The following ENTREP2 variants were observed in gnomAD, a reference collection of about 807,000 sequenced individuals.
The protein encoded by ENTREP2 is endosomal transmembrane epsin interactor 2.
At chr15:29,342,283 G>T in the ENTREP2 span, among the ~76,000 whole-genome samples, 1 of 152,174 alleles carries the variant, frequency 6.6e-6, no homozygotes, top group Non-Finnish European at 1.5e-5. Context: ...ACTGCTGTGC[G>T]TTCCATGCAT....
the ENTREP2 span, among the ~76,000 whole-genome samples, chr15:29,655,737 A>C: frequency 1.3e-4 from 20 of 152,204 alleles, no homozygotes; most frequent in African/African-American, 4.3e-4. Flanking sequence ...CAAAAAAACA[A>C]AAAACAAACC....
chr15:29,643,996 A>G, the ENTREP2 span, among the ~76,000 whole-genome samples: 3 of 152,152 alleles, frequency 2.0e-5, no homozygotes. Flanking sequence ...TGAATGTTCA[A>G]AGCAGCATTA....
the ENTREP2 span, among the ~76,000 whole-genome samples, chr15:29,626,363 A>C: frequency 6.6e-6 from 1 of 152,162 alleles, no homozygotes; most frequent in Non-Finnish European, 1.5e-5. Flanking sequence ...GTGGTAGTGA[A>C]TAAGTCTCAT....
chr15:29,618,422 CAAAA>C, the ENTREP2 span, among the ~76,000 whole-genome samples: 3 of 80,194 alleles, frequency 3.7e-5, no homozygotes, highest in Non-Finnish European at 2.6e-5. Flanking sequence ...GACTCTGTCT[CAAAA>C]AAAAAAAAAA....
At chr15:29,349,223 C>T in the ENTREP2 span, among the ~76,000 whole-genome samples, 1 of 152,088 alleles carries the variant, frequency 6.6e-6, no homozygotes. Context: ...AAGCAAAATC[C>T]TAACGTACTT....
the ENTREP2 span, among the ~76,000 whole-genome samples, chr15:29,300,144 GATGGATA>G: frequency 6.7e-6 from 1 of 148,626 alleles, no homozygotes; most frequent in African/African-American, 2.5e-5. Flanking sequence ...TGAGTAAATG[GATGGATA>G]ATGGATGGAT....
At chr15:29,321,987 AT>A in the ENTREP2 span, among the ~76,000 whole-genome samples, 106 of 152,186 alleles carry the variant, frequency 7.0e-4, no homozygotes, top group Admixed American at 9.2e-4. Flanking sequence ...AAAAATTAAA[AT>A]TTAAATTTAA....
the ENTREP2 span, among the ~76,000 whole-genome samples, chr15:29,160,144 A>G: frequency 9.2e-3 from 1,400 of 152,350 alleles, 20 homozygotes; most frequent in African/African-American, 0.031. Flanking sequence ...TCACTGCTCC[A>G]GCAGGCAGGG....
At chr15:29,149,505 C>T in the ENTREP2 span, among the ~76,000 whole-genome samples, 9 of 152,256 alleles carry the variant, frequency 5.9e-5, no homozygotes, top group Non-Finnish European at 1.2e-4. Flanking sequence ...GCCAGCCTGG[C>T]TCAAGCCTCG....
chr15:29,380,240 G>A, the ENTREP2 span, among the ~76,000 whole-genome samples: 3 of 152,108 alleles, frequency 2.0e-5, no homozygotes, highest in African/African-American at 4.8e-5. Context: ...TATATGAGCC[G>A]AGATACAGCA....
At chr15:29,381,548 C>A in the ENTREP2 span, among the ~76,000 whole-genome samples, 1 of 151,674 alleles carries the variant, frequency 6.6e-6, no homozygotes, top group Admixed American at 6.6e-5. Context: ...AGGATGCCCT[C>A]GGAGCATCTC....
the ENTREP2 span, among the ~76,000 whole-genome samples, chr15:29,150,991 G>C: frequency 6.6e-6 from 1 of 152,014 alleles, no homozygotes; most frequent in Non-Finnish European, 1.5e-5. Context: ...CGTGCGCATA[G>C]ATATTCCTAC....
the ENTREP2 span, among the ~76,000 whole-genome samples, chr15:29,503,033 T>G: frequency 6.6e-6 from 1 of 152,086 alleles, no homozygotes; most frequent in South Asian, 2.1e-4. Context: ...TGCAGCTGCT[T>G]TGGAAAACAG....
the ENTREP2 span, among the ~76,000 whole-genome samples, chr15:29,193,228 G>A: frequency 6.6e-6 from 1 of 152,198 alleles, no homozygotes; most frequent in Admixed American, 6.5e-5. Context: ...TTCTGGGTGT[G>A]TCTGTGAGGG....
the ENTREP2 span, among the ~76,000 whole-genome samples, chr15:29,284,886 T>C: frequency 7.6e-4 from 116 of 152,296 alleles, 1 homozygote; most frequent in East Asian, 0.017. Context: ...TCATGCACAA[T>C]GGTAACGTCA....
At chr15:29,309,865 C>G in the ENTREP2 span, among the ~76,000 whole-genome samples, 664 of 151,770 alleles carry the variant, frequency 4.4e-3, 8 homozygotes, top group African/African-American at 0.016. Context: ...TAACATATGT[C>G]ATGCCTGTGC....
the ENTREP2 span, among the ~76,000 whole-genome samples, chr15:29,169,715 G>T: frequency 2.0e-5 from 3 of 152,078 alleles, no homozygotes; most frequent in African/African-American, 7.3e-5. Flanking sequence ...CAAAATAGCA[G>T]TTGGTATTTC....
At chr15:29,294,036 T>C in the ENTREP2 span, among the ~76,000 whole-genome samples, 6 of 152,252 alleles carry the variant, frequency 3.9e-5, no homozygotes, top group African/African-American at 1.4e-4. Context: ...CCAAGGAATC[T>C]TGCAGCCCAG....
chr15:29,384,890 C>T, the ENTREP2 span, among the ~76,000 whole-genome samples: 1 of 152,182 alleles, frequency 6.6e-6, no homozygotes, highest in African/African-American at 2.4e-5. Flanking sequence ...TTTTTCCACA[C>T]GCCCCAACAC....
Sources: allele counts gnomAD v4.1 joint callset (sites outside exome capture counted in the v4.1 genomes callset), GRCh38; gene constraint gnomAD v4.1.1; transcripts MANE v1.5; gene names NCBI Gene and HGNC (gene_info 2026-07-23, HGNC 2026-07-21).